The following CCDC148 variants were observed in gnomAD, a reference collection of about 807,000 sequenced individuals.
The protein encoded by CCDC148 is coiled-coil domain containing 148.
CCDC148 carries 89 observed loss-of-function variants against 85.7 expected under a neutral mutation model. That is an observed-to-expected ratio of 1.04 (90% CI 0.87 to 1.24). CCDC148 has a LOEUF of 1.24. CCDC148 is among the 50% of genes most tolerant of loss of function. The pLI is 0.00. For missense variants in CCDC148, 692 were observed against 671.7 expected (o/e 1.03, Z -0.33); for synonymous variants, 230 against 213.9 (o/e 1.08, Z -0.66).
intron 1 of CCDC148, among the ~76,000 whole-genome samples, chr2:158,433,208 T>C (rs1281147380): frequency 7.0e-6 from 1 of 142,208 alleles, no homozygotes; most frequent in African/African-American, 2.5e-5. Context: ...CACAGTGAGC[T>C]GAAATCAAAC....
At chr2:158,241,373 A>AAGAT (rs1285233150) in intron 10 of CCDC148, among the ~76,000 whole-genome samples, 1 of 152,160 alleles carries the variant, frequency 6.6e-6, no homozygotes, top group Non-Finnish European at 1.5e-5. Context: ...CTGAAGCTAA[A>AAGAT]AGATATCCTT....
At chr2:158,266,858 G>A (rs1574507260) in intron 9 of CCDC148, among the ~76,000 whole-genome samples, 1 of 118,878 alleles carries the variant, frequency 8.4e-6, no homozygotes, top group Admixed American at 8.6e-5. Context: ...GTGTGTCTGT[G>A]TGTGTGTGTG....
Position 158,275,359 on chromosome 2 carries a change from G to GT in CCDC148, c.1111-24448_1111-24447insA, listed in dbSNP as rs199820925. The stretch of plus-strand genomic sequence containing the variant: ...AAGTATTTTGCAAAATTAAGGAAGA[G>GT]AACTAATTGTGATTGTTATATTATT... On this transcript the variant is annotated intron_variant, in intron 9 of 13. Coordinates refer to ENST00000283233, the MANE Select transcript of CCDC148 (RefSeq NM_138803.4). Among the ~76,000 whole-genome samples the GT allele has an allele frequency of 9.6e-3, 1,459 of 152,252 alleles. 18 individuals carry two copies. Among genetic ancestry groups the GT allele is most frequent in the African/African-American group, 0.033 (1,351 of 41,536 alleles).
In CCDC148 at chr2:158,338,789, T is replaced by C; in HGVS notation, c.701A>G (p.Lys234Arg). Residue 234 changes from lysine (K) to arginine (R), a missense_variant, in exon 7 of 14, where the codon AAG becomes AGG. Lys to Arg is a conservative substitution (Grantham distance 26). Transcript: ENST00000283233. ...CTTCTTCTGATATTTCTGTGTAAACTTATAGAACTCACTGAGAATTGAAGA... is the reference window on the plus strand; with the variant it reads ...CTTCTTCTGATATTTCTGTGTAAACCTATAGAACTCACTGAGAATTGAAGA... ...LKSSILSEFYKFTQKYQKKLQ... is the reference protein window; with the variant it reads ...LKSSILSEFYRFTQKYQKKLQ... 3 of 1,611,790 alleles carry C rather than the reference T, an allele frequency of 1.9e-6. No individual in the cohort carries two copies. Among genetic ancestry groups the C allele is most frequent in the Non-Finnish European group, 2.5e-6 (3 of 1,179,354 alleles).
intron 10 of CCDC148, among the ~76,000 whole-genome samples, chr2:158,247,863 CAG>C (rs930747241): frequency 2.0e-5 from 3 of 152,006 alleles, no homozygotes; most frequent in African/African-American, 7.2e-5. Context: ...CTCAAAAAAA[CAG>C]AGTGAATTAG....
chr2:158,336,915 T>G (rs557877160), intron 7 of CCDC148, among the ~76,000 whole-genome samples: 1 of 152,238 alleles, frequency 6.6e-6, no homozygotes, highest in East Asian at 1.9e-4. Context: ...AACTCCATAG[T>G]GAATTTTACA....
intron 1 of CCDC148, among the ~76,000 whole-genome samples, chr2:158,439,874 T>C (rs1425858255): frequency 6.6e-6 from 1 of 152,170 alleles, no homozygotes; most frequent in Non-Finnish European, 1.5e-5. Context: ...ATTACTTTAC[T>C]TTTTTATACA....
At chr2:158,309,212 T>C (rs566940688) in intron 9 of CCDC148, among the ~76,000 whole-genome samples, 5 of 152,226 alleles carry the variant, frequency 3.3e-5, no homozygotes, top group African/African-American at 1.2e-4. Context: ...GATATTAACA[T>C]CCTGTTATAG....
At chr2:158,402,577 T>C (rs970024267) in intron 1 of CCDC148, among the ~76,000 whole-genome samples, 1 of 152,046 alleles carries the variant, frequency 6.6e-6, no homozygotes, top group Non-Finnish European at 1.5e-5. Flanking sequence ...TAGCCTTCAG[T>C]TGGGGATTAT....
At chr2:158,342,021 CTTTTCTTTTTTTTTTTT>C (rs1240887690) in intron 3 of CCDC148, among the ~76,000 whole-genome samples, 1 of 85,626 alleles carries the variant, frequency 1.2e-5, no homozygotes, top group East Asian at 3.8e-4. Flanking sequence ...TCATTATTTT[CTTTTCTTTTTTTTTTTT>C]TTTTTTTTTG....
chr2:158,186,566 C>T (rs112512527), intron 11 of CCDC148, among the ~76,000 whole-genome samples: 185 of 152,152 alleles, frequency 1.2e-3, no homozygotes, highest in Non-Finnish European at 1.9e-3. Flanking sequence ...CCACCTTCCA[C>T]GGTTCTTTTT....
intron 10 of CCDC148, among the ~76,000 whole-genome samples, chr2:158,246,666 A>G (rs1029771337): frequency 6.6e-6 from 1 of 152,172 alleles, no homozygotes; most frequent in South Asian, 2.1e-4. Context: ...GCTGGAATCA[A>G]GCTACTTAAA....
At position 158,205,577 on chromosome 2, in the gene CCDC148, T is replaced by C. The variant is rs117067709; in HGVS notation, c.1370+15018A>G. On this transcript the variant is annotated intron_variant, in intron 11 of 13. Coordinates refer to ENST00000283233, the MANE Select transcript of CCDC148 (RefSeq NM_138803.4). Reference sequence around the variant, plus strand: ...GGTGTGTCCAGAGACATAGGTAACTTGACTAAGGTCATAGAGGTAGGAAGT... The same window carrying C: ...GGTGTGTCCAGAGACATAGGTAACTCGACTAAGGTCATAGAGGTAGGAAGT... 5.3e-5 allele frequency among the ~76,000 whole-genome samples: 8 copies of C among 152,324 alleles called. No homozygotes were observed. In the East Asian group the frequency reaches 1.5e-3, roughly 29 times the overall value.
At chr2:158,193,794 T>C (rs1685531118) in intron 11 of CCDC148, among the ~76,000 whole-genome samples, 1 of 152,010 alleles carries the variant, frequency 6.6e-6, no homozygotes, top group East Asian at 1.9e-4. Flanking sequence ...CTTATATTTT[T>C]AAAATAATCC....
chr2:158,292,540 T>A (rs1690943504), intron 9 of CCDC148, among the ~76,000 whole-genome samples: 1 of 152,208 alleles, frequency 6.6e-6, no homozygotes, highest in Admixed American at 6.5e-5. Context: ...AGCTTTCCTG[T>A]GCCATCCGGA....
At chr2:158,291,711 C>T (rs1420475547) in intron 9 of CCDC148, among the ~76,000 whole-genome samples, 1 of 152,170 alleles carries the variant, frequency 6.6e-6, no homozygotes, top group Admixed American at 6.5e-5. Context: ...GTGTCTGCCT[C>T]CTCTACTGGA....
intron 10 of CCDC148, among the ~76,000 whole-genome samples, chr2:158,243,291 T>C (rs1036204740): frequency 6.6e-6 from 1 of 152,158 alleles, no homozygotes; most frequent in African/African-American, 2.4e-5. Context: ...TCTTCTTGAA[T>C]GGTAGTAGGC....
chr2:158,428,503 T>A (rs545816716), intron 1 of CCDC148, among the ~76,000 whole-genome samples: 1 of 151,886 alleles, frequency 6.6e-6, no homozygotes, highest in South Asian at 2.1e-4. Context: ...TTGAGTTGCC[T>A]TAGAGATGTC....
At chr2:158,363,972 G>A (rs527363062) in intron 1 of CCDC148, among the ~76,000 whole-genome samples, 1 of 152,234 alleles carries the variant, frequency 6.6e-6, no homozygotes, top group African/African-American at 2.4e-5. Context: ...AAAGTCTCAG[G>A]ATACAAAATC....
Sources: gnomAD v4.1 joint callset for allele counts (sites outside exome capture counted in the v4.1 genomes callset) on GRCh38, gnomAD v4.1.1 for gene constraint, MANE v1.5 for transcripts, NCBI Gene and HGNC (gene_info 2026-07-23, HGNC 2026-07-21) for gene names.